The following STAU2 variants were observed in gnomAD, a reference collection of about 807,000 sequenced individuals.
STAU2 encodes double-stranded RNA-binding protein Staufen homolog 2.
In STAU2, 20 loss-of-function variants were observed where a neutral mutation model predicts 65.9. The observed-to-expected ratio is 0.30, with a 90% CI of 0.21 to 0.44. STAU2 has a LOEUF of 0.44. Ranked by LOEUF, STAU2 falls within the 20% of genes least tolerant of loss-of-function variation. STAU2 has a pLI of 1.00. For synonymous variants in STAU2, 232 were observed against 233.9 expected (o/e 0.99, Z 0.07); for missense variants, 558 against 683.9 (o/e 0.82, Z 2.05).
intron 4 of STAU2, among the ~76,000 whole-genome samples, chr8:73,702,831 C>T (rs1303318864): frequency 6.6e-6 from 1 of 152,054 alleles, no homozygotes; most frequent in Non-Finnish European, 1.5e-5. Flanking sequence ...AAACTGAAAC[C>T]ACAATGAGAT....
intron 9 of STAU2, among the ~76,000 whole-genome samples, 191 bp from the exon 10 acceptor site, chr8:73,604,054 T>G (rs1003521062): frequency 6.6e-6 from 1 of 152,160 alleles, no homozygotes; most frequent in East Asian, 1.9e-4. Flanking sequence ...TCTATGGGAC[T>G]TGGGGCTTAG....
chr8:73,657,585 ATAT>A (rs1816477185), intron 6 of STAU2, among the ~76,000 whole-genome samples: 1 of 152,212 alleles, frequency 6.6e-6, no homozygotes, highest in Non-Finnish European at 1.5e-5. Flanking sequence ...TAGAAGGTAT[ATAT>A]TATTACTAAT....
intron 10 of STAU2, among the ~76,000 whole-genome samples, chr8:73,597,724 T>G (rs1811309982): frequency 7.2e-6 from 1 of 139,236 alleles, no homozygotes; most frequent in Non-Finnish European, 1.6e-5. Flanking sequence ...CATGCTAAAA[T>G]TTAAAAACAT....
intron 6 of STAU2, among the ~76,000 whole-genome samples, chr8:73,663,112 T>C (rs982360878): frequency 2.0e-5 from 3 of 152,154 alleles, no homozygotes; most frequent in Middle Eastern, 3.2e-3. Context: ...ATAAAATATT[T>C]TGGGCTTTGC....
intron 4 of STAU2, among the ~76,000 whole-genome samples, chr8:73,704,263 T>C (rs1185200899): frequency 6.6e-6 from 1 of 152,082 alleles, no homozygotes. Context: ...ATCAATGTCA[T>C]AGGAAAAGAG....
At chr8:73,707,216 T>C (rs1444582021) in intron 4 of STAU2, among the ~76,000 whole-genome samples, 2 of 151,992 alleles carry the variant, frequency 1.3e-5, no homozygotes, top group Non-Finnish European at 2.9e-5. Flanking sequence ...TATGTGAGGA[T>C]TGGGGAAAGA....
At chr8:73,609,096 T>A (rs979911845) in intron 9 of STAU2, among the ~76,000 whole-genome samples, 3 of 152,016 alleles carry the variant, frequency 2.0e-5, no homozygotes, top group Non-Finnish European at 4.4e-5. Flanking sequence ...AAATGATGAA[T>A]TTGGGCCCAA....
At chr8:73,690,453 C>G (rs1326547803) in intron 4 of STAU2, among the ~76,000 whole-genome samples, 1 of 151,264 alleles carries the variant, frequency 6.6e-6, no homozygotes, top group African/African-American at 2.4e-5. Flanking sequence ...CAGAGGACAA[C>G]TGGGGAAATG....
chr8:73,648,413 G>A (rs773557277), intron 6 of STAU2, among the ~76,000 whole-genome samples: 5 of 152,174 alleles, frequency 3.3e-5, no homozygotes, highest in Non-Finnish European at 7.3e-5. Context: ...AAATGATACT[G>A]AGCAAATTAA....
chr8:73,573,071 A>G (rs1311218564), intron 12 of STAU2, among the ~76,000 whole-genome samples: 2 of 152,262 alleles, frequency 1.3e-5, no homozygotes, highest in Non-Finnish European at 2.9e-5. Context: ...ATACAAAATC[A>G]ATGTGCAAAA....
intron 6 of STAU2, among the ~76,000 whole-genome samples, chr8:73,664,543 A>C (rs1817089052): frequency 6.6e-6 from 1 of 152,190 alleles, no homozygotes; most frequent in Non-Finnish European, 1.5e-5. Context: ...GCACCTAATG[A>C]GATACTGATA....
chr8:73,514,716 A>G (rs1822611385), intron 13 of STAU2, among the ~76,000 whole-genome samples: 1 of 152,204 alleles, frequency 6.6e-6, no homozygotes, highest in Non-Finnish European at 1.5e-5. Flanking sequence ...CATTTCTGGC[A>G]CAAAATCTTA....
chr8:73,433,076 A>C (rs1817419363), intron 13 of STAU2, among the ~76,000 whole-genome samples: 1 of 152,240 alleles, frequency 6.6e-6, no homozygotes, highest in Admixed American at 6.5e-5. Context: ...TGACAGCAGG[A>C]GTAACTGCAC....
chr8:73,435,149 C>T (rs1480489811), intron 13 of STAU2, among the ~76,000 whole-genome samples: 1 of 151,942 alleles, frequency 6.6e-6, no homozygotes, highest in African/African-American at 2.4e-5. Flanking sequence ...GTCTCCACAC[C>T]TTCGCCCCTG....
chr8:73,721,013 C>T (rs947557009), intron 3 of STAU2, among the ~76,000 whole-genome samples: 2 of 150,432 alleles, frequency 1.3e-5, no homozygotes, highest in African/African-American at 4.9e-5. Flanking sequence ...GGCACCATGG[C>T]TCACGCATGC....
chr8:73,640,239 A>G (rs944558076), intron 6 of STAU2, among the ~76,000 whole-genome samples: 3 of 152,058 alleles, frequency 2.0e-5, no homozygotes, highest in Non-Finnish European at 4.4e-5. Flanking sequence ...AAAAGAAAAA[A>G]ATGAAACAAA....
At chr8:73,461,434 T>C (rs1240931908) in intron 13 of STAU2, among the ~76,000 whole-genome samples, 2 of 152,040 alleles carry the variant, frequency 1.3e-5, no homozygotes, top group Non-Finnish European at 2.9e-5. Flanking sequence ...CAGGAAATGA[T>C]ACCTGAGCTA....
intron 13 of STAU2, among the ~76,000 whole-genome samples, chr8:73,477,298 G>A (rs992302638): frequency 6.6e-6 from 1 of 152,100 alleles, no homozygotes; most frequent in Admixed American, 6.6e-5. Flanking sequence ...TTTACACACC[G>A]TAGGATCTCA....
chr8:73,438,909 G>A, intron 13 of STAU2: 1 of 456,164 alleles, frequency 2.2e-6, no homozygotes, highest in Non-Finnish European at 4.4e-6. Flanking sequence ...GCTGGTAAAA[G>A]CTGTCTTCCT....
Sources: allele counts gnomAD v4.1 joint callset (sites outside exome capture counted in the v4.1 genomes callset), GRCh38; gene constraint gnomAD v4.1.1; transcripts MANE v1.5; gene names NCBI Gene and HGNC (gene_info 2026-07-23, HGNC 2026-07-21).